Variants in XCR1 observed in about 807,000 individuals in gnomAD.
The protein encoded by XCR1 is chemokine XC receptor 1.
For synonymous variants in XCR1, 187 were observed against 188.5 expected, an observed-to-expected ratio of 0.99 and a Z score of 0.06; for missense variants, 356 against 424.2, an observed-to-expected ratio of 0.84 and a Z score of 1.41.
Position 46,020,795 on chromosome 3 carries a change from G to T in XCR1, c.*151C>A. 9.1e-7 allele frequency: 1 copy of T among 1,094,508 alleles called. No homozygotes were observed. Among genetic ancestry groups the T allele is most frequent in the Non-Finnish European group, 1.3e-6 (1 of 791,444 alleles). 67.8% of individuals were successfully genotyped at this position (1,094,508 alleles called of 1,614,324 possible). Reference sequence around the variant, plus strand: ...AGATGAGAGGCTGGCGGGACCCACTGGTGTAATGAATGACCTTCACTGCAC... The same window carrying T: ...AGATGAGAGGCTGGCGGGACCCACTTGTGTAATGAATGACCTTCACTGCAC... On this transcript the variant is annotated 3_prime_UTR_variant, in exon 2 of 2. Coordinates refer to ENST00000309285, the MANE Select transcript of XCR1 (RefSeq NM_001024644.2).
upstream of XCR1, among the ~76,000 whole-genome samples, chr3:46,031,531 G>T (rs1397614940): frequency 6.6e-6 from 1 of 152,230 alleles, no homozygotes; most frequent in African/African-American, 2.4e-5. Context: ...GCTGAGGGCA[G>T]CTCATTCCTG....
intron 4 of XCR1, among the ~76,000 whole-genome samples, chr3:46,062,872 G>T (rs1697992537): frequency 6.6e-6 from 1 of 152,234 alleles, no homozygotes; most frequent in East Asian, 1.9e-4. Context: ...AGGAGAGTTG[G>T]TTTTGGATCT....
intron 1 of XCR1, among the ~76,000 whole-genome samples, chr3:46,025,385 C>T (rs1708265935): frequency 6.6e-6 from 1 of 151,642 alleles, no homozygotes; most frequent in African/African-American, 2.4e-5. Flanking sequence ...GTCTGGGTGT[C>T]AGAGCAAGAC....
chr3:46,073,842 T>C (rs1298025146), intron 3 of XCR1, among the ~76,000 whole-genome samples: 1 of 151,250 alleles, frequency 6.6e-6, no homozygotes, highest in Non-Finnish European at 1.5e-5. Flanking sequence ...TTATTACAAA[T>C]CATCAGAGAA....
intron 5 of XCR1, among the ~76,000 whole-genome samples, chr3:46,043,197 T>G (rs1202158475): frequency 6.6e-6 from 1 of 152,022 alleles, no homozygotes; most frequent in Non-Finnish European, 1.5e-5. Context: ...CCCCAGCACT[T>G]TGGGAGGCTG....
chr3:46,043,755 C>CACAG (rs1575421340), intron 5 of XCR1, among the ~76,000 whole-genome samples: 2 of 138,270 alleles, frequency 1.4e-5, no homozygotes, highest in East Asian at 4.0e-4. Context: ...CACACACACA[C>CACAG]ACACACAAGA....
rs914086509 is a variant in XCR1, at chr3:46,021,931, T to A, written c.17A>T (p.Asn6Ile). The A allele has an allele frequency of 6.2e-7, 1 of 1,611,936 alleles. No individual in the cohort carries two copies. Among genetic ancestry groups the A allele is most frequent in the African/African-American group, 1.3e-5 (1 of 74,786 alleles). The part of the protein sequence containing the change: MESSG[N>I]PESTTFFYYD... Reference sequence around the variant, plus strand: ...GTAAAAAAAGGTGGTGCTCTCTGGGTTGCCTGAGGACTCCATCTGGACCAG... The same window carrying A: ...GTAAAAAAAGGTGGTGCTCTCTGGGATGCCTGAGGACTCCATCTGGACCAG... Residue 6 changes from asparagine to isoleucine, a missense_variant, in exon 2 of 2, where the codon AAC becomes ATC. Asn to Ile is a moderately radical substitution (Grantham distance 149). Coordinates refer to ENST00000309285, the MANE Select transcript of XCR1 (RefSeq NM_001024644.2). This position sits in a 1 kb window ranked among gnomAD's most constrained non-coding sequence, Gnocchi z 4.7.
chr3:46,047,870 G>T (rs1697665092), intron 5 of XCR1, among the ~76,000 whole-genome samples: 1 of 152,200 alleles, frequency 6.6e-6, no homozygotes, highest in African/African-American at 2.4e-5. Context: ...AGTTAACATA[G>T]ATTGTTTTCT....
At chr3:46,061,561 C>T (rs1697962488) in intron 4 of XCR1, among the ~76,000 whole-genome samples, 1 of 152,214 alleles carries the variant, frequency 6.6e-6, no homozygotes. Flanking sequence ...GCATTCCCTT[C>T]TCTCTTATGG....
intron 5 of XCR1, among the ~76,000 whole-genome samples, chr3:46,049,426 G>A (rs1211386483): frequency 6.6e-6 from 1 of 152,226 alleles, no homozygotes; most frequent in African/African-American, 2.4e-5. Context: ...GGCCCAGGAA[G>A]TTGTGTGTGA....
At position 46,023,706 on chromosome 3, in the gene XCR1, T is replaced by A. The variant is rs36110050; in HGVS notation, c.-31-1728A>T. The A allele has an allele frequency of 2.6e-6, 4 of 1,526,486 alleles. No homozygotes were observed. In the East Asian group the frequency reaches 9.0e-5, roughly 34 times the overall value. The allele number at this position is 1,526,486 out of a possible 1,614,324, so 94.6% of individuals were successfully genotyped here. On this transcript the variant is annotated intron_variant, in intron 1 of 1. Coordinates refer to ENST00000309285, the MANE Select transcript of XCR1 (RefSeq NM_001024644.2). ...AGATTCAGGGGATCTTTGACAGGGA[T>A]CCAGACACACTACTATATTTACTTC...
chr3:46,032,429 G>A (rs755266841), upstream of XCR1, among the ~76,000 whole-genome samples: 1 of 152,194 alleles, frequency 6.6e-6, no homozygotes, highest in Non-Finnish European at 1.5e-5. Context: ...AGCATAGCTG[G>A]CATGTCTCAC....
intron 4 of XCR1, among the ~76,000 whole-genome samples, chr3:46,062,567 A>G (rs1302743522): frequency 6.6e-6 from 1 of 152,222 alleles, no homozygotes; most frequent in Non-Finnish European, 1.5e-5. Context: ...ATCTCTGTCT[A>G]AAGGCTCTCC....
chr3:46,060,604 T>C (rs1248523957), intron 4 of XCR1, among the ~76,000 whole-genome samples: 2 of 152,258 alleles, frequency 1.3e-5, no homozygotes, highest in South Asian at 2.1e-4. Flanking sequence ...TTCCTCCCTT[T>C]GTAACTAAGA....
At chr3:46,048,693 C>T (rs951325289) in intron 5 of XCR1, among the ~76,000 whole-genome samples, 7 of 152,188 alleles carry the variant, frequency 4.6e-5, no homozygotes, top group Admixed American at 4.6e-4. Context: ...TGTCCTTCTT[C>T]CAGGGATTTC....
chr3:46,084,475 A>G (rs1168657041), intron 1 of XCR1, among the ~76,000 whole-genome samples: 3 of 152,214 alleles, frequency 2.0e-5, no homozygotes, highest in African/African-American at 7.2e-5. Flanking sequence ...AGACTAACTG[A>G]TGCCAAGTAG....
chr3:46,067,658 A>T (rs2125902179), intron 3 of XCR1, among the ~76,000 whole-genome samples: 1 of 152,298 alleles, frequency 6.6e-6, no homozygotes, highest in Middle Eastern at 3.4e-3. Context: ...CAGGGAACAC[A>T]TGATCACTTT....
chr3:46,029,589 G>A (rs34562820), upstream of XCR1, among the ~76,000 whole-genome samples: 13,713 of 152,208 alleles, frequency 0.09, 1,005 homozygotes, highest in South Asian at 0.34. Flanking sequence ...ACAAGACAAA[G>A]TTGTACTCTT....
intron 1 of XCR1, among the ~76,000 whole-genome samples, chr3:46,080,686 G>C (rs1306175706): frequency 3.3e-5 from 5 of 152,158 alleles, no homozygotes; most frequent in Non-Finnish European, 7.3e-5. Context: ...AAGGAACCAA[G>C]TTTTCCCCAG....
Sources: gnomAD v4.1 joint callset for allele counts (sites outside exome capture counted in the v4.1 genomes callset) on GRCh38, gnomAD v4.1.1 for gene constraint, Gnocchi (gnomAD v3.1) non-coding constraint, MANE v1.5 for transcripts, NCBI Gene and HGNC (gene_info 2026-07-23, HGNC 2026-07-21) for gene names.